Variants in TENM3 observed in about 807,000 individuals in gnomAD.
TENM3 encodes the protein teneurin-3.
A neutral mutation model predicts 255.1 loss-of-function variants in TENM3; 63 were observed. The observed-to-expected ratio is 0.25, with a 90% confidence interval of 0.20 to 0.30. TENM3 has a LOEUF of 0.30. Among genes scored for constraint, TENM3 ranks in the 10% least tolerant of loss-of-function variants. The pLI, the probability that TENM3 is intolerant of heterozygous loss-of-function variation, is 1.00. For synonymous variants in TENM3, 1,306 were observed against 1,322.3 expected (o/e 0.99, Z 0.27); for missense variants, 2,929 against 3,461.1 (o/e 0.85, Z 3.86).
At chr4:182,533,038 T>C (rs1426668819) in intron 3 of TENM3, among the ~76,000 whole-genome samples, 1 of 152,202 alleles carries the variant, frequency 6.6e-6, no homozygotes, top group African/African-American at 2.4e-5. Flanking sequence ...TAAGGAGTCA[T>C]ATTATTATGC....
chr4:182,240,941 C>T (rs10029691), upstream of TENM3, among the ~76,000 whole-genome samples: 18,304 of 152,228 alleles, frequency 0.12, 1,262 homozygotes, highest in Middle Eastern at 0.23. Flanking sequence ...CTCTCTTTCC[C>T]GCTCCACTGA....
the TENM3 span, among the ~76,000 whole-genome samples, chr4:181,486,653 G>A: frequency 6.6e-6 from 1 of 152,052 alleles, no homozygotes; most frequent in Admixed American, 6.6e-5. Flanking sequence ...TTATAGCGGC[G>A]CTATTTACAA....
chr4:182,218,940 A>G (rs1040424829), intron 1 of TENM3, among the ~76,000 whole-genome samples: 2 of 152,102 alleles, frequency 1.3e-5, no homozygotes, highest in Non-Finnish European at 2.9e-5. Context: ...AAAAACCATA[A>G]TAGGCCGGGT....
chr4:181,769,559 C>A, the TENM3 span, among the ~76,000 whole-genome samples: 1 of 152,126 alleles, frequency 6.6e-6, no homozygotes, highest in Non-Finnish European at 1.5e-5. Context: ...AAAACATTTT[C>A]TGATTTTAAA....
the TENM3 span, among the ~76,000 whole-genome samples, chr4:181,809,628 A>AT: frequency 6.6e-6 from 1 of 152,168 alleles, no homozygotes; most frequent in Non-Finnish European, 1.5e-5. Context: ...GGAAGGCCGA[A>AT]TGATGACCTG....
intron 1 of TENM3, among the ~76,000 whole-genome samples, chr4:182,294,861 T>C (rs765678259): frequency 2.0e-5 from 3 of 152,206 alleles, no homozygotes; most frequent in Non-Finnish European, 2.9e-5. Context: ...ATAATGTATA[T>C]GCCCATTGCC....
At chr4:181,873,092 G>A in the TENM3 span, among the ~76,000 whole-genome samples, 1 of 151,008 alleles carries the variant, frequency 6.6e-6, no homozygotes. Context: ...TTTCCAGATG[G>A]AGTATCGCTT....
At chr4:182,433,475 CAAAG>C (rs1580523758) in intron 3 of TENM3, among the ~76,000 whole-genome samples, 2 of 151,760 alleles carry the variant, frequency 1.3e-5, no homozygotes, top group African/African-American at 4.8e-5. Context: ...AAGTCAGAGA[CAAAG>C]AAAGAAGGAG....
chr4:182,068,134 G>A, the TENM3 span, among the ~76,000 whole-genome samples: 1 of 152,140 alleles, frequency 6.6e-6, no homozygotes, highest in Admixed American at 6.5e-5. Flanking sequence ...GCAGAGTGAT[G>A]ATTTGAATGT....
At chr4:181,480,791 T>C in the TENM3 span, among the ~76,000 whole-genome samples, 1 of 149,020 alleles carries the variant, frequency 6.7e-6, no homozygotes, top group South Asian at 2.1e-4. Flanking sequence ...AGGTATAATA[T>C]AGATGTATTG....
chr4:182,170,692 G>C (rs1246083883), intron 1 of TENM3, among the ~76,000 whole-genome samples: 1 of 151,948 alleles, frequency 6.6e-6, no homozygotes, highest in African/African-American at 2.4e-5. Context: ...CAAGCATTTT[G>C]ATCTTTTTCC....
At chr4:181,459,106 T>C in the TENM3 span, among the ~76,000 whole-genome samples, 3 of 151,888 alleles carry the variant, frequency 2.0e-5, no homozygotes, top group Non-Finnish European at 2.9e-5. Context: ...AAGGGGTGTA[T>C]AGTGGTATCT....
chr4:182,691,430 T>G (rs1756999915), intron 12 of TENM3, among the ~76,000 whole-genome samples: 1 of 152,200 alleles, frequency 6.6e-6, no homozygotes, highest in Admixed American at 6.5e-5. Context: ...GCAAAGGACA[T>G]TCTTCATTAG....
At chr4:182,198,192 T>G (rs1238568269) in intron 1 of TENM3, among the ~76,000 whole-genome samples, 1 of 152,176 alleles carries the variant, frequency 6.6e-6, no homozygotes, top group African/African-American at 2.4e-5. Flanking sequence ...CCTGGGCCGT[T>G]TACTCTGGGC....
At chr4:181,449,997 G>A in the TENM3 span, among the ~76,000 whole-genome samples, 1 of 152,006 alleles carries the variant, frequency 6.6e-6, no homozygotes, top group Admixed American at 6.6e-5. Context: ...ATGTCATTCC[G>A]CATATTTTTA....
chr4:181,863,806 C>A, the TENM3 span, among the ~76,000 whole-genome samples: 1 of 151,832 alleles, frequency 6.6e-6, no homozygotes, highest in African/African-American at 2.4e-5. Context: ...ATTTTCCAAG[C>A]GAAAAAGACC....
chr4:181,726,907 G>C, the TENM3 span, among the ~76,000 whole-genome samples: 1,502 of 152,280 alleles, frequency 9.9e-3, 20 homozygotes, highest in African/African-American at 0.034. Context: ...TGCTAGAGCA[G>C]CTCACAGCAC....
chr4:182,659,709 G>A lies in TENM3; in HGVS notation c.1111+5816G>A, dbSNP rs537474393. On this transcript the variant is annotated intron_variant, in intron 6 of 27. Transcript: ENST00000511685. ...CTGGATATGGTAGCCTTCTATCTGCGCTGTATGTCTCCAGTCTTGCTCATC... is the reference window on the plus strand; with the variant it reads ...CTGGATATGGTAGCCTTCTATCTGCACTGTATGTCTCCAGTCTTGCTCATC... Among the ~76,000 whole-genome samples the A allele has an allele frequency of 2.0e-5, 3 of 152,190 alleles. No homozygotes were observed. The South Asian group carries it at 6.2e-4, about 32-fold the overall frequency.
At chr4:182,015,541 G>T in the TENM3 span, among the ~76,000 whole-genome samples, 1 of 144,872 alleles carries the variant, frequency 6.9e-6, no homozygotes, top group South Asian at 2.2e-4. Flanking sequence ...TTTAATTCAT[G>T]ATTTTAATTT....
Sources: allele counts gnomAD v4.1 joint callset (sites outside exome capture counted in the v4.1 genomes callset), GRCh38; gene constraint gnomAD v4.1.1; transcripts MANE v1.5; gene names NCBI Gene and HGNC (gene_info 2026-07-23, HGNC 2026-07-21).